Variants in GCC2 observed in about 807,000 individuals in gnomAD.
GCC2 encodes GRIP and coiled-coil domain-containing protein 2.
In GCC2, 120 loss-of-function variants were observed where a neutral mutation model predicts 210.6. The observed-to-expected ratio is 0.57, with a 90% confidence interval of 0.49 to 0.66. The LOEUF (loss-of-function observed/expected upper bound fraction) is 0.66. Ranked by LOEUF, GCC2 falls within the 30% of genes least tolerant of loss-of-function variation. GCC2 has a pLI of 0.00. For missense variants in GCC2, 1,868 were observed against 1,871.9 expected (o/e 1.00, Z 0.04); for synonymous variants, 703 against 652.7 (o/e 1.08, Z -1.17).
chr2:108,474,137 G>A lies in GCC2; in HGVS notation c.2860+1238G>A, dbSNP rs558513475. On this transcript the variant is annotated intron_variant, in intron 7 of 22. Coordinates refer to ENST00000309863, the MANE Select transcript of GCC2 (RefSeq NM_181453.4). ...CATGCCACTGCACTCCAGCCTGGGC[G>A]ACAGAGGGAGACTCCGTCTCAAAAA... Among the ~76,000 whole-genome samples, 11 of 152,200 alleles carry A rather than the reference G, an allele frequency of 7.2e-5. No homozygotes were observed. In the East Asian group the frequency reaches 1.7e-3, roughly 24 times the overall value.
At chr2:108,458,374 C>CTTTTTTTTTTT (rs70956257) in intron 4 of GCC2, among the ~76,000 whole-genome samples, 5 of 100,302 alleles carry the variant, frequency 5.0e-5, no homozygotes, top group Non-Finnish European at 5.9e-5. Context: ...TTGTTGCTTT[C>CTTTTTTTTTTT]TTTTTTTTTT....
chr2:108,474,772 G>A lies in GCC2; in HGVS notation c.2861-763G>A, dbSNP rs377469164. On this transcript the variant is annotated intron_variant, in intron 7 of 22. Transcript: ENST00000309863. Reference sequence around the variant, plus strand: ...TTTCTTGATGATAATTTTTCTTGTTGCATGTTTATAAAATAGGAAAAAATC... The same window carrying A: ...TTTCTTGATGATAATTTTTCTTGTTACATGTTTATAAAATAGGAAAAAATC... The A allele has an allele frequency of 7.2e-5, 11 of 152,172 alleles. No individual in the cohort carries two copies. The East Asian group carries it at 1.7e-3, about 24-fold the overall frequency. 9.4% of individuals were successfully genotyped at this position (152,172 alleles called of 1,614,324 possible).
At chr2:108,463,591 T>C (rs1680717097) in intron 4 of GCC2, among the ~76,000 whole-genome samples, 1 of 152,062 alleles carries the variant, frequency 6.6e-6, no homozygotes, top group African/African-American at 2.4e-5. Flanking sequence ...GCAGTGGTGG[T>C]AGTTGTGGAT....
At position 108,476,054 on chromosome 2, in the gene GCC2, C is replaced by CCTTTTTTTTTTTTTTTTTTTTTTT. The variant is rs1558744710; in HGVS notation, c.3060+204_3060+205insCTTTTTTTTTTTTTTTTTTTTTTT. Among the ~76,000 whole-genome samples the CCTTTTTTTTTTTTTTTTTTTTTTT allele has an allele frequency of 6.2e-5, 6 of 96,328 alleles. 1 individual carries two copies. Among genetic ancestry groups the CCTTTTTTTTTTTTTTTTTTTTTTT allele is most frequent in the Admixed American group, 2.4e-4 (2 of 8,386 alleles). The allele number at this position is 96,328 out of a possible 152,430, so 63.2% of individuals were successfully genotyped here. ...TGGTTAAGCTTTAAATAGTGGCTTG[C>CCTTTTTTTTTTTTTTTTTTTTTTT]TTTTTTTTTTTTTTTTTTTTTTTTT... On this transcript the variant is annotated intron_variant, in intron 9 of 22. Transcript: ENST00000309863.
At chr2:108,449,955 G>C in intron 2 of GCC2, 1 of 462,402 alleles carries the variant, frequency 2.2e-6, no homozygotes, top group Non-Finnish European at 3.9e-6. Flanking sequence ...AGTCTAAGAA[G>C]GTTTATATAG....
intron 22 of GCC2, among the ~76,000 whole-genome samples, chr2:108,503,264 C>T (rs1301193422): frequency 2.6e-5 from 4 of 152,000 alleles, no homozygotes; most frequent in Non-Finnish European, 4.4e-5. Flanking sequence ...AGAAAGAAGA[C>T]ACATTGCCTC....
chr2:108,485,795 A>T (rs769463137), intron 14 of GCC2, 36 bp from the exon 15 acceptor site: 3 of 1,452,446 alleles, frequency 2.1e-6, no homozygotes, highest in Non-Finnish European at 2.8e-6. Context: ...TATGAGTAAC[A>T]TTAAAAAAAA....
chr2:108,471,252 A>G lies in GCC2; in HGVS notation c.1923A>G (p.Leu641=). The G allele has an allele frequency of 6.2e-7, 1 of 1,609,028 alleles. No individual in the cohort carries two copies. Among genetic ancestry groups the G allele is most frequent in the South Asian group, 1.1e-5 (1 of 89,604 alleles). ...AAACAATCCAGTACAACAGTGAACT[A>G]GAACAAAAGGTAAATGAATTAACAG... The part of the protein sequence containing the change: ...VEQTIQYNSE[L]EQKVNELTGG... Residue 641 remains leucine, a synonymous_variant, in exon 6 of 23, where the codon CTA becomes CTG. Coordinates refer to ENST00000309863, the MANE Select transcript of GCC2 (RefSeq NM_181453.4).
At position 108,499,648 on chromosome 2, in the gene GCC2, C is replaced by T. The variant is rs1356175716; in HGVS notation, c.4878C>T (p.Phe1626=). ...ACTTGAAGAACGTCTTGCTGCAGTT[C>T]ATTTTCTTGAAACCAGGTAGTGAAA... ...LEYLKNVLLQ[F]IFLKPGSERE... Residue 1626 remains phenylalanine (F), a synonymous_variant, in exon 22 of 23, where the codon TTC becomes TTT. Coordinates refer to ENST00000309863, the MANE Select transcript of GCC2 (RefSeq NM_181453.4). The T allele has an allele frequency of 6.2e-7, 1 of 1,612,012 alleles. No homozygotes were observed. Among genetic ancestry groups the T allele is most frequent in the African/African-American group, 1.3e-5 (1 of 74,892 alleles).
intron 12 of GCC2, among the ~76,000 whole-genome samples, chr2:108,483,490 G>C (rs913082528): frequency 6.6e-6 from 1 of 152,118 alleles, no homozygotes; most frequent in Admixed American, 6.5e-5. Flanking sequence ...CTCCCAAAGT[G>C]CTAGGATTAC....
chr2:108,469,249 T>G (rs568418478), intron 5 of GCC2, 165 bp downstream of exon 5: 3 of 498,048 alleles, frequency 6.0e-6, no homozygotes, highest in Admixed American at 3.5e-5. Context: ...ATCACCTAAC[T>G]ATACAGCAAC....
chr2:108,486,405 C>T (rs769623151), intron 15 of GCC2, 106 bp from the exon 16 acceptor site: 11 of 991,334 alleles, frequency 1.1e-5, no homozygotes, highest in Non-Finnish European at 1.8e-5. Flanking sequence ...TTAATTATGC[C>T]TTATATGTAC....
intron 4 of GCC2, among the ~76,000 whole-genome samples, chr2:108,466,296 C>T (rs1237187597): frequency 1.3e-5 from 2 of 152,108 alleles, no homozygotes; most frequent in Admixed American, 1.3e-4. Flanking sequence ...CCACCTCAGC[C>T]TCCCAAAGTG....
At chr2:108,463,644 C>CCAGTGTTAG (rs1180246742) in intron 4 of GCC2, among the ~76,000 whole-genome samples, 2 of 152,092 alleles carry the variant, frequency 1.3e-5, no homozygotes, top group Non-Finnish European at 2.9e-5. Context: ...TCTGCTGGCA[C>CCAGTGTTAG]CAGTGTTAGC....
chr2:108,487,739 A>G lies in GCC2; in HGVS notation c.3971A>G (p.Lys1324Arg). The G allele has an allele frequency of 6.2e-7, 1 of 1,613,220 alleles. No homozygotes were observed. Among genetic ancestry groups the G allele is most frequent in the Non-Finnish European group, 8.5e-7 (1 of 1,179,278 alleles). Residue 1324 changes from lysine to arginine, a missense_variant, in exon 17 of 23, where the codon AAA becomes AGA. Physicochemically the swap from Lys to Arg is conservative, Grantham distance 26 (BLOSUM62 2). This residue lies in a region of GCC2 where 1,847 missense variants were observed against 1,765.2 expected (regional missense o/e 1.05). Coordinates refer to ENST00000309863, the MANE Select transcript of GCC2 (RefSeq NM_181453.4). ...GTAACCTCTGAATTCGAGAGCTACA[A>G]AGTCCGAGTTCATAATGTTCTAAAA... ...ATVTSEFESY[K>R]VRVHNVLKQQ...
chr2:108,489,013 T>C (rs564605603), intron 17 of GCC2, among the ~76,000 whole-genome samples: 5 of 152,332 alleles, frequency 3.3e-5, no homozygotes, highest in African/African-American at 9.6e-5. Context: ...TGAATGTAAA[T>C]GTTTTGTGTT....
chr2:108,490,523 G>A (rs1053110158), intron 18 of GCC2, among the ~76,000 whole-genome samples: 1 of 152,148 alleles, frequency 6.6e-6, no homozygotes, highest in Non-Finnish European at 1.5e-5. Context: ...AAAGAAATTG[G>A]GTAGTAGGAG....
chr2:108,467,165 G>A (rs1211307662), intron 4 of GCC2, among the ~76,000 whole-genome samples: 3 of 152,030 alleles, frequency 2.0e-5, no homozygotes, highest in South Asian at 4.2e-4. Flanking sequence ...ACTTCATTGC[G>A]ATTAATTGGA....
intron 22 of GCC2, among the ~76,000 whole-genome samples, chr2:108,500,390 A>G (rs2003996): frequency 0.61 from 92,274 of 151,898 alleles, 28,710 homozygotes; most frequent in East Asian, 0.96. Context: ...GCATGCGCCT[A>G]TAGTCCCAGC....
Sources: allele counts gnomAD v4.1 joint callset (sites outside exome capture counted in the v4.1 genomes callset), GRCh38; gene constraint gnomAD v4.1.1; regional missense constraint gnomAD v4.1.1; transcripts MANE v1.5; gene names NCBI Gene and HGNC (gene_info 2026-07-23, HGNC 2026-07-21).